CDK13: variants seen among roughly 807,000 people sequenced by gnomAD.
The protein encoded by CDK13 is cyclin dependent kinase 13.
A neutral mutation model predicts 137.6 loss-of-function variants in CDK13; 40 were observed. That is an observed-to-expected ratio of 0.29 (90% CI 0.23 to 0.38). The LOEUF (loss-of-function observed/expected upper bound fraction) is 0.38. CDK13 is among the 10% of genes least tolerant of loss of function. The pLI is 1.00. For missense variants in CDK13, 1,704 were observed against 1,951.8 expected (o/e 0.87, Z 2.39); for synonymous variants, 869 against 760.1 (o/e 1.14, Z -2.36).
At position 39,978,469 on chromosome 7, in the gene CDK13, G is replaced by A. The variant is rs186901936; in HGVS notation, c.1212-9130G>A. On this transcript the variant is annotated intron_variant, in intron 1 of 13. Transcript: ENST00000181839. ...GATTGAAAGGACAAAAGAGATTTTG[G>A]CCGTAACTGGAAGGACAGATAAAGA... Among the ~76,000 whole-genome samples, 4 of 152,272 alleles carry A rather than the reference G, an allele frequency of 2.6e-5. No homozygotes were observed. In the East Asian group the frequency reaches 7.7e-4, roughly 29 times the overall value.
At chr7:40,048,083 TCAA>T (rs1785790349) in intron 7 of CDK13, 2 of 383,694 alleles carry the variant, frequency 5.2e-6, no homozygotes, top group East Asian at 3.7e-5. Flanking sequence ...AAATTGATCT[TCAA>T]CAGGTAAAAA....
chr7:40,079,602 G>A (rs151206896), intron 11 of CDK13, among the ~76,000 whole-genome samples: 18 of 152,248 alleles, frequency 1.2e-4, no homozygotes, highest in Admixed American at 5.2e-4. Context: ...CCACTTCACA[G>A]AGGAGGAAGC....
intron 7 of CDK13, among the ~76,000 whole-genome samples, chr7:40,059,755 T>C (rs1786100065): frequency 6.6e-6 from 1 of 152,200 alleles, no homozygotes; most frequent in Non-Finnish European, 1.5e-5. Context: ...TAAAAATAAT[T>C]TTTAGAGTGT....
At chr7:40,065,566 A>G (rs1786262855) in intron 9 of CDK13, among the ~76,000 whole-genome samples, 1 of 152,186 alleles carries the variant, frequency 6.6e-6, no homozygotes, top group South Asian at 2.1e-4. Flanking sequence ...CATGCAGCCC[A>G]TGGACTGCAA....
rs1784375470 is a variant in CDK13 at position 39,987,963 on chromosome 7, C to T, written c.1576C>T (p.Pro526Ser). Residue 526 changes from proline to serine, a missense_variant, in exon 2 of 14, where the codon CCC becomes TCC. Coordinates refer to ENST00000181839, the MANE Select transcript of CDK13 (RefSeq NM_003718.5). Reference protein sequence around the residue: ...KKIKIEHAPSPSSGGTLKNDK... With the variant: ...KKIKIEHAPSSSSGGTLKNDK... ...AATTAAAATTGAACATGCACCTTCT[C>T]CCTCAAGTGGTGGAACTTTAAAAAA... The T allele has an allele frequency of 6.2e-7, 1 of 1,614,068 alleles. No homozygotes were observed. The highest frequency in any genetic ancestry group is 1.3e-5 in the African/African-American group (1 of 75,010).
intron 1 of CDK13, among the ~76,000 whole-genome samples, chr7:39,968,002 G>A (rs1283974224): frequency 2.6e-5 from 4 of 152,162 alleles, no homozygotes; most frequent in Non-Finnish European, 5.9e-5. Context: ...AAGTAGCTGG[G>A]ATTCAAGCAC....
rs1786499050 is a variant in CDK13 at position 40,074,524 on chromosome 7, A to AG, written c.2781-3481_2781-3480insG. 2.8e-5 allele frequency among the ~76,000 whole-genome samples: 4 copies of AG among 145,392 alleles called. No individual in the cohort carries two copies. The South Asian group carries it at 8.6e-4, about 31-fold the overall frequency. On this transcript the variant is annotated intron_variant, in intron 9 of 13. Coordinates refer to ENST00000181839, the MANE Select transcript of CDK13 (RefSeq NM_003718.5). ...GGCGACAGAGCAAGACACCATCTCA[A>AG]AAAAAAAAAAAAAAAAGAAAGTAAA...
rs144299894 is a variant in CDK13 at position 40,024,422 on chromosome 7, G to A, written c.2354-21414G>A. On this transcript the variant is annotated intron_variant, in intron 5 of 13. Coordinates refer to ENST00000181839, the MANE Select transcript of CDK13 (RefSeq NM_003718.5). ...CTGAATTTTCTCGCCACTTTATAAA[G>A]ATAAGGACAGTAGTAATTTCTTGCT... Among the ~76,000 whole-genome samples the A allele has an allele frequency of 6.4e-4, 98 of 152,272 alleles. No individual in the cohort carries two copies. The East Asian group carries it at 0.015, about 23-fold the overall frequency.
intron 11 of CDK13, among the ~76,000 whole-genome samples, chr7:40,080,798 T>C (rs1338009291): frequency 2.0e-5 from 3 of 152,220 alleles, no homozygotes; most frequent in Admixed American, 6.5e-5. Context: ...ACATTTGCTT[T>C]ATCACTGTCT....
rs543649725 is a variant in CDK13 at position 40,046,230 on chromosome 7, C to T, written c.2543+205C>T. On this transcript the variant is annotated intron_variant, in intron 6 of 13. Coordinates refer to ENST00000181839, the MANE Select transcript of CDK13 (RefSeq NM_003718.5). ...ATTACACTTGTAATACCCATGTCAC[C>T]AACAAACACATATACCCCCGAATCT... Among the ~76,000 whole-genome samples the T allele has an allele frequency of 2.0e-5, 3 of 152,158 alleles. No individual in the cohort carries two copies. The East Asian group carries it at 5.8e-4, about 29-fold the overall frequency.
intron 1 of CDK13, among the ~76,000 whole-genome samples, chr7:39,978,901 G>A (rs552267081): frequency 6.6e-6 from 1 of 152,164 alleles, no homozygotes; most frequent in Non-Finnish European, 1.5e-5. Flanking sequence ...TGGAGTGTAC[G>A]GTGGATGAAG....
intron 5 of CDK13, among the ~76,000 whole-genome samples, chr7:40,010,214 A>G (rs901878051): frequency 1.1e-4 from 17 of 152,092 alleles, no homozygotes; most frequent in Non-Finnish European, 2.4e-4. Flanking sequence ...TCTCAGGGCA[A>G]TGGGAGACAG....
In CDK13 at chr7:39,988,000, A is replaced by G; in HGVS notation, c.1613A>G (p.Lys538Arg). 1 of 1,614,162 alleles carries G rather than the reference A, an allele frequency of 6.2e-7. No homozygotes were observed. The highest frequency in any genetic ancestry group is 8.5e-7 in the Non-Finnish European group (1 of 1,180,010). Residue 538 changes from lysine to arginine, a missense_variant, in exon 2 of 14, where the codon AAA (lysine) becomes AGA (arginine). By Grantham distance (26) the Lys-to-Arg change is conservative. Around this residue, in one of 5 missense-constraint regions of CDK13, gnomAD observed 1,051 missense variants for 931.0 expected, o/e 1.13. Transcript: ENST00000181839. ...GGAACTTTAAAAAATGACAAAGCAA[A>G]AACAAAGCCACCTCTTCAGGTAACG... The part of the protein sequence containing the change: ...SGGTLKNDKA[K>R]TKPPLQVTKV...
intron 1 of CDK13, among the ~76,000 whole-genome samples, chr7:39,961,204 C>T (rs1787609705): frequency 6.6e-6 from 1 of 151,996 alleles, no homozygotes; most frequent in Non-Finnish European, 1.5e-5. Flanking sequence ...ACTAAAAATA[C>T]AAAACATAGC....
rs754354475 is a variant in CDK13, at chr7:39,950,852, G to A, written c.211G>A (p.Ala71Thr). The change falls in exon 1 of 14, where the codon GCC (alanine) becomes ACC (threonine). Residue 71 changes from alanine (A) to threonine (T), a missense_variant. Around this residue, in one of 5 missense-constraint regions of CDK13, gnomAD observed 1,051 missense variants for 931.0 expected, o/e 1.13. Coordinates refer to ENST00000181839, the MANE Select transcript of CDK13 (RefSeq NM_003718.5). ...LAAPGTAAAA[A>T]AAAAASSSCF... is the part of the protein sequence containing the mutation. ...TGCTCCCGGCACGGCCGCCGCCGCA[G>A]CCGCCGCCGCCGCGGCCTCCTCCTC... The A allele has an allele frequency of 7.6e-7, 1 of 1,323,126 alleles. No homozygotes were observed. The highest frequency in any genetic ancestry group is 4.0e-5 in the Admixed American group (1 of 24,782). The allele number at this position is 1,323,126 out of a possible 1,614,324, so 82.0% of individuals were successfully genotyped here. A position where few individuals can be genotyped will look rare whatever the true frequency, so the allele number is the denominator to read the frequency against.
At chr7:40,083,024 G>T (rs12537125) in intron 11 of CDK13, among the ~76,000 whole-genome samples, 12,992 of 150,824 alleles carry the variant, frequency 0.086, 959 homozygotes, top group East Asian at 0.33. Flanking sequence ...AATTGCTTGA[G>T]CTTGGGAAAC....
chr7:39,997,640 A>G lies in CDK13; in HGVS notation c.2018A>G (p.Gln673Arg). The change falls in exon 3 of 14, where the codon CAG becomes CGG. Residue 673 changes from glutamine (Q) to arginine (R), a missense_variant. Gln to Arg is a conservative substitution (Grantham distance 43). Coordinates refer to ENST00000181839, the MANE Select transcript of CDK13 (RefSeq NM_003718.5). ...CCAGAGGAAAAGAAAACAGCAACAC[A>G]GTTACATAGTAAAAGGAGGCCTAAG... is the stretch of plus-strand genomic sequence containing the variant. ...KSPEEKKTAT[Q>R]LHSKRRPKIC... 1 of 1,613,638 alleles carries G rather than the reference A, an allele frequency of 6.2e-7. No individual in the cohort carries two copies. Among genetic ancestry groups the G allele is most frequent in the Non-Finnish European group, 8.5e-7 (1 of 1,179,830 alleles).
rs911406659 is a variant in CDK13, at chr7:39,951,849, T to G, written c.1208T>G (p.Leu403Arg). Residue 403 changes from leucine (L) to arginine (R), a missense_variant, in exon 1 of 14, where the codon CTC becomes CGC. Transcript: ENST00000181839. ...RRSRSPYSPV[L>R]RRSGKSRSRS... ...TCTCGCAGTCCCTACAGCCCTGTGC[T>G]CAGGTGAGTTCTGCCGTTCTGCCTG... 3 of 1,381,492 alleles carry G rather than the reference T, an allele frequency of 2.2e-6. No homozygotes were observed. Among genetic ancestry groups the G allele is most frequent in the Non-Finnish European group, 2.8e-6 (3 of 1,068,236 alleles). 85.6% of individuals were successfully genotyped at this position (1,381,492 alleles called of 1,614,324 possible).
At chr7:39,994,484 C>T (rs12531774) in intron 2 of CDK13, among the ~76,000 whole-genome samples, 12,980 of 151,992 alleles carry the variant, frequency 0.085, 955 homozygotes, top group East Asian at 0.33. Context: ...TCTTTAGATA[C>T]ATTCTATATT....
Sources: gnomAD v4.1 joint callset for allele counts (sites outside exome capture counted in the v4.1 genomes callset) on GRCh38, gnomAD v4.1.1 for gene constraint, gnomAD v4.1.1 regional missense constraint, MANE v1.5 for transcripts, NCBI Gene and HGNC (gene_info 2026-07-23, HGNC 2026-07-21) for gene names.